PDE1C: variants seen among roughly 807,000 people sequenced by gnomAD.
The protein encoded by PDE1C is dual specificity calcium/calmodulin-dependent 3',5'-cyclic nucleotide phosphodiesterase 1C.
A neutral mutation model predicts 93.1 loss-of-function variants in PDE1C; 62 were observed. The ratio of observed to expected loss-of-function variants is 0.67; its 90% CI spans 0.54 to 0.82. The LOEUF is 0.82. Ranked by LOEUF, PDE1C falls within the 40% of genes least tolerant of loss-of-function variation. PDE1C has a pLI of 0.00. For synonymous variants in PDE1C, 325 were observed against 310.1 expected (o/e 1.05, Z -0.50); for missense variants, 742 against 884.6 (o/e 0.84, Z 2.04).
intron 2 of PDE1C, among the ~76,000 whole-genome samples, chr7:31,971,185 G>C (rs1810905787): frequency 1.3e-5 from 2 of 152,100 alleles, no homozygotes; most frequent in South Asian, 4.1e-4. Context: ...ACAGAAAGCA[G>C]AATCAGAGGA....
intron 3 of PDE1C, among the ~76,000 whole-genome samples, chr7:32,112,433 AT>A (rs1798692172): frequency 6.6e-6 from 1 of 151,986 alleles, no homozygotes; most frequent in South Asian, 2.1e-4. Context: ...TTCCTGACCA[AT>A]TTTAAAAACC....
intron 2 of PDE1C, among the ~76,000 whole-genome samples, chr7:32,207,931 T>C (rs1805718292): frequency 6.6e-6 from 1 of 152,184 alleles, no homozygotes; most frequent in Admixed American, 6.5e-5. Flanking sequence ...CGTGGTTGGG[T>C]CACGATTCAT....
At chr7:32,047,028 T>G (rs960566733) in intron 2 of PDE1C, among the ~76,000 whole-genome samples, 1 of 91,826 alleles carries the variant, frequency 1.1e-5, no homozygotes, top group Non-Finnish European at 2.3e-5. Flanking sequence ...CATACTGAAA[T>G]AGGGGTGTGT....
chr7:32,399,053 C>T (rs1784893753), intron 1 of PDE1C, among the ~76,000 whole-genome samples: 2 of 152,164 alleles, frequency 1.3e-5, no homozygotes, highest in South Asian at 4.1e-4. Flanking sequence ...CCACGGTATT[C>T]AGTATATGGT....
At chr7:31,898,397 T>C (rs1799577528) in intron 2 of PDE1C, among the ~76,000 whole-genome samples, 1 of 152,156 alleles carries the variant, frequency 6.6e-6, no homozygotes, top group Non-Finnish European at 1.5e-5. Flanking sequence ...ATTTATTTGA[T>C]AGTATGCTTT....
At chr7:32,162,508 G>T (rs1801983103) in intron 3 of PDE1C, among the ~76,000 whole-genome samples, 1 of 152,170 alleles carries the variant, frequency 6.6e-6, no homozygotes, top group African/African-American at 2.4e-5. Flanking sequence ...CATCAGACCT[G>T]GATGCAGGTC....
chr7:32,163,482 C>G (rs1031338904), intron 3 of PDE1C, among the ~76,000 whole-genome samples: 1 of 152,144 alleles, frequency 6.6e-6, no homozygotes, highest in East Asian at 1.9e-4. Flanking sequence ...GGTGTTGGCT[C>G]AATGCGATTC....
intron 1 of PDE1C, among the ~76,000 whole-genome samples, chr7:32,293,345 G>A (rs961839174): frequency 9.9e-5 from 15 of 152,028 alleles, no homozygotes; most frequent in East Asian, 3.9e-4. Flanking sequence ...CCCTAAAAGC[G>A]GGCACTCTAA....
intron 3 of PDE1C, among the ~76,000 whole-genome samples, chr7:32,096,820 A>AAGATTAGATAGAT (rs1797772050): frequency 6.9e-6 from 1 of 144,592 alleles, no homozygotes; most frequent in East Asian, 2.1e-4. Flanking sequence ...AGGGGATAGA[A>AAGATTAGATAGAT]AGATAGATAG....
At chr7:32,186,335 C>T (rs1803879271) in intron 2 of PDE1C, among the ~76,000 whole-genome samples, 1 of 151,994 alleles carries the variant, frequency 6.6e-6, no homozygotes, top group South Asian at 2.1e-4. Flanking sequence ...ATCTCCTGAC[C>T]TCATGATCCA....
chr7:31,624,776 T>A, the PDE1C span, among the ~76,000 whole-genome samples: 1 of 151,668 alleles, frequency 6.6e-6, no homozygotes, highest in Non-Finnish European at 1.5e-5. Flanking sequence ...ACAAATGGGA[T>A]CTAATTAAAC....
intron 3 of PDE1C, among the ~76,000 whole-genome samples, chr7:32,098,087 G>A (rs1308602889): frequency 6.0e-5 from 9 of 149,074 alleles, no homozygotes; most frequent in African/African-American, 1.0e-4. Flanking sequence ...AAAATTAGCC[G>A]GGCGTGGTGG....
the PDE1C span, chr7:31,692,557 G>A: frequency 2.0e-5 from 31 of 1,553,078 alleles, no homozygotes; most frequent in Non-Finnish European, 2.7e-5. Flanking sequence ...TGTCAGTGGT[G>A]GAAGTCAGAG....
At chr7:32,288,849 CAG>C (rs1488900324) in intron 1 of PDE1C, among the ~76,000 whole-genome samples, 4 of 152,178 alleles carry the variant, frequency 2.6e-5, no homozygotes, top group African/African-American at 9.7e-5. Context: ...TGGGGCCTCT[CAG>C]AGAGATGAAA....
At chr7:31,715,170 C>A in the PDE1C span, among the ~76,000 whole-genome samples, 294 of 151,982 alleles carry the variant, frequency 1.9e-3, 2 homozygotes, top group Middle Eastern at 6.8e-3. Context: ...GAACTATTTA[C>A]TATTAACAAT....
chr7:31,859,086 A>G (rs1199692380), intron 7 of PDE1C, among the ~76,000 whole-genome samples: 1 of 149,840 alleles, frequency 6.7e-6, no homozygotes, highest in Non-Finnish European at 1.5e-5. Flanking sequence ...ATATAATGAC[A>G]TAGGGAAACT....
intron 16 of PDE1C, among the ~76,000 whole-genome samples, chr7:31,807,724 T>C (rs1267995199): frequency 6.6e-6 from 1 of 151,962 alleles, no homozygotes; most frequent in East Asian, 1.9e-4. Flanking sequence ...CCACTGTACA[T>C]TTTCTGGCTT....
rs145119474 is a variant in PDE1C, at chr7:32,225,553, G to C, written c.86-16014C>G. Among the ~76,000 whole-genome samples the C allele has an allele frequency of 3.7e-3, 564 of 152,220 alleles. 5 individuals are homozygous for C. The highest frequency in any genetic ancestry group is 0.013 in the African/African-American group (530 of 41,518). Reference sequence around the variant, plus strand: ...TTGTAGGGGTTCTTGTGTTAGGTGGGAGATTGGAACAAGACCCTGAGGAAA... The same window carrying C: ...TTGTAGGGGTTCTTGTGTTAGGTGGCAGATTGGAACAAGACCCTGAGGAAA... On this transcript the variant is annotated intron_variant, in intron 1 of 18. Transcript: ENST00000396193.
At chr7:32,420,817 T>C (rs1371089278) in intron 1 of PDE1C, among the ~76,000 whole-genome samples, 1 of 152,168 alleles carries the variant, frequency 6.6e-6, no homozygotes, top group Admixed American at 6.5e-5. Context: ...ATCTGTTTCC[T>C]GTAAGATTTG....
Sources: allele counts gnomAD v4.1 joint callset (sites outside exome capture counted in the v4.1 genomes callset), GRCh38; gene constraint gnomAD v4.1.1; transcripts MANE v1.5; gene names NCBI Gene and HGNC (gene_info 2026-07-23, HGNC 2026-07-21).